WDR72: variants seen among roughly 807,000 people sequenced by gnomAD.
The protein encoded by WDR72 is WD repeat-containing protein 72.
Under a neutral mutation model 124.2 loss-of-function variants are expected in WDR72, and 120 were observed. That is an observed-to-expected ratio of 0.97 (90% CI 0.83 to 1.12). The LOEUF (loss-of-function observed/expected upper bound fraction) is 1.12, where lower values mean the gene tolerates loss of function less well. Ranked by LOEUF, WDR72 falls within the 50% of genes most tolerant of loss-of-function variation. The pLI is 0.00. For missense variants in WDR72, 1,387 were observed against 1,278.8 expected (o/e 1.08, Z -1.29); for synonymous variants, 452 against 441.7 (o/e 1.02, Z -0.29).
Position 53,615,752 on chromosome 15 carries a change from G to A in WDR72, c.2454C>T (p.His818=). 6.2e-7 allele frequency: 1 copy of A among 1,613,394 alleles called. No homozygotes were observed. The highest frequency in any genetic ancestry group is 8.5e-7 in the Non-Finnish European group (1 of 1,179,618). Reference sequence around the variant, plus strand: ...GACCCTGAAGCTTTAAAATATTGAGGTGCTTAATGCAAAGATAATCTAAAT... The same window carrying A: ...GACCCTGAAGCTTTAAAATATTGAGATGCTTAATGCAAAGATAATCTAAAT... ...DKDLDYLCIK[H]LNILKLQGPI... Residue 818 remains histidine (H), a synonymous_variant, in exon 15 of 20, where the codon CAC becomes CAT. Transcript: ENST00000360509.
At chr15:53,675,753 G>A (rs1470150961) in intron 13 of WDR72, among the ~76,000 whole-genome samples, 2 of 152,162 alleles carry the variant, frequency 1.3e-5, no homozygotes, top group Non-Finnish European at 2.9e-5. Flanking sequence ...ATATCTTGCT[G>A]AGTTGATCTG....
intron 18 of WDR72, among the ~76,000 whole-genome samples, chr15:53,575,346 T>C (rs1894715213): frequency 6.6e-6 from 1 of 152,158 alleles, no homozygotes; most frequent in Admixed American, 6.5e-5. Flanking sequence ...TGACACTTTA[T>C]ATATTAGGCT....
intron 17 of WDR72, among the ~76,000 whole-genome samples, chr15:53,606,563 A>T (rs571287232): frequency 6.6e-6 from 1 of 152,346 alleles, no homozygotes; most frequent in African/African-American, 2.4e-5. Context: ...AGCAAATAAT[A>T]TAATTTTCAT....
intron 11 of WDR72, among the ~76,000 whole-genome samples, chr15:53,704,671 G>GC (rs2017287642): frequency 6.9e-6 from 1 of 145,476 alleles, no homozygotes; most frequent in Non-Finnish European, 1.5e-5. Flanking sequence ...GACTACAGGT[G>GC]CCCGCCACCA....
chr15:53,751,631 G>C (rs550167731), intron 1 of WDR72, among the ~76,000 whole-genome samples: 1 of 152,080 alleles, frequency 6.6e-6, no homozygotes, highest in Non-Finnish European at 1.5e-5. Context: ...ATATCTCCAA[G>C]ATATGTCTGT....
intron 18 of WDR72, among the ~76,000 whole-genome samples, chr15:53,524,268 T>A (rs1891982764): frequency 6.6e-6 from 1 of 152,146 alleles, no homozygotes; most frequent in African/African-American, 2.4e-5. Context: ...TATTACAAGT[T>A]GCTGCAATAA....
At chr15:53,691,597 TGATA>T (rs1320920802) in intron 13 of WDR72, among the ~76,000 whole-genome samples, 1 of 141,162 alleles carries the variant, frequency 7.1e-6, no homozygotes, top group Non-Finnish European at 1.5e-5. Flanking sequence ...ACATGTAAAA[TGATA>T]GACAGACAGA....
intron 14 of WDR72, among the ~76,000 whole-genome samples, chr15:53,662,209 T>A (rs2015631763): frequency 6.6e-6 from 1 of 152,196 alleles, no homozygotes; most frequent in Non-Finnish European, 1.5e-5. Context: ...ATGAATATGA[T>A]ATTGTATTCC....
intron 14 of WDR72, among the ~76,000 whole-genome samples, chr15:53,637,413 T>C (rs1184072248): frequency 6.6e-6 from 1 of 152,198 alleles, no homozygotes; most frequent in Admixed American, 6.5e-5. Context: ...GCTTCAAACC[T>C]AGGCTGCACA....
chr15:53,619,817 T>C (rs772818603), intron 14 of WDR72, among the ~76,000 whole-genome samples: 8 of 152,120 alleles, frequency 5.3e-5, no homozygotes, highest in Non-Finnish European at 1.2e-4. Context: ...TTTCTGTAAA[T>C]TTCTTGTTAA....
At chr15:53,573,597 G>C (rs1443075885) in intron 18 of WDR72, among the ~76,000 whole-genome samples, 1 of 151,328 alleles carries the variant, frequency 6.6e-6, no homozygotes, top group Non-Finnish European at 1.5e-5. Flanking sequence ...CCAGGCTGGA[G>C]TGCAGTGGCA....
At chr15:53,589,614 C>T (rs906504393) in intron 18 of WDR72, among the ~76,000 whole-genome samples, 2 of 149,792 alleles carry the variant, frequency 1.3e-5, no homozygotes, top group Admixed American at 1.3e-4. Flanking sequence ...GAATCTAGAT[C>T]ACTTTTTGTC....
At chr15:53,703,853 T>TA (rs1378144512) in intron 11 of WDR72, among the ~76,000 whole-genome samples, 2 of 152,220 alleles carry the variant, frequency 1.3e-5, no homozygotes, top group Non-Finnish European at 2.9e-5. Flanking sequence ...CCTCACTTTT[T>TA]ATCTCCTAAC....
chr15:53,722,833 G>A lies in WDR72; in HGVS notation c.229C>T (p.Gln77Ter). The A allele has an allele frequency of 6.2e-7, 1 of 1,613,034 alleles. No individual in the cohort carries two copies. Among genetic ancestry groups the A allele is most frequent in the Non-Finnish European group, 8.5e-7 (1 of 1,180,004 alleles). ...CLARARDFSK[Q>*]PYIVSAAENG... ...TCAGCAGCACTAACAATGTAGGGCT[G>A]TTTAGAGAAGTCCCTTGCTCTTGCC... The change falls in exon 3 of 20, where the codon CAG (glutamine) becomes TAG (stop). Residue 77 changes from glutamine to a stop codon, truncating the protein, a stop_gained. Coordinates refer to ENST00000360509, the MANE Select transcript of WDR72 (RefSeq NM_182758.4). LOFTEE classifies it high-confidence loss of function.
chr15:53,626,413 G>A (rs113110080), intron 14 of WDR72, among the ~76,000 whole-genome samples: 2,058 of 152,258 alleles, frequency 0.014, 47 homozygotes, highest in African/African-American at 0.047. Flanking sequence ...GGAGCACAGC[G>A]GACACCCTGC....
intron 1 of WDR72, among the ~76,000 whole-genome samples, chr15:53,755,349 C>T (rs2018873582): frequency 6.6e-6 from 1 of 152,222 alleles, no homozygotes; most frequent in South Asian, 2.1e-4. Flanking sequence ...GCATCACATT[C>T]ATTATTTCCC....
At chr15:53,546,994 G>A (rs1397981165) in intron 18 of WDR72, among the ~76,000 whole-genome samples, 1 of 152,200 alleles carries the variant, frequency 6.6e-6, no homozygotes, top group Non-Finnish European at 1.5e-5. Context: ...AAAATTAAAT[G>A]TCCATTTATG....
chr15:53,548,682 A>G (rs941369780), intron 18 of WDR72, among the ~76,000 whole-genome samples: 2 of 151,044 alleles, frequency 1.3e-5, no homozygotes, highest in Non-Finnish European at 2.9e-5. Context: ...GTGGGGAACT[A>G]TAGCATGATT....
At chr15:53,619,137 A>G (rs546910902) in intron 14 of WDR72, among the ~76,000 whole-genome samples, 16 of 152,026 alleles carry the variant, frequency 1.1e-4, no homozygotes, top group Non-Finnish European at 2.2e-4. Context: ...ATTTTAAAAT[A>G]ATTCTTTTAT....
Sources: allele counts gnomAD v4.1 joint callset (sites outside exome capture counted in the v4.1 genomes callset), GRCh38; gene constraint gnomAD v4.1.1; transcripts MANE v1.5; gene names NCBI Gene and HGNC (gene_info 2026-07-23, HGNC 2026-07-21).